Variants in LSAMP observed in about 807,000 individuals in gnomAD.
LSAMP encodes the protein limbic system-associated membrane protein.
LSAMP carries 7 observed loss-of-function variants against 38.6 expected under a neutral mutation model. The observed-to-expected ratio is 0.18, with a 90% confidence interval of 0.10 to 0.34. The LOEUF is 0.34. Ranked by LOEUF, LSAMP falls within the 10% of genes least tolerant of loss-of-function variation. The pLI is 1.00. For missense variants in LSAMP, 313 were observed against 420.0 expected (o/e 0.75, Z 2.23); for synonymous variants, 154 against 166.8 (o/e 0.92, Z 0.59).
chr3:116,162,841 G>C (rs1194697670), intron 1 of LSAMP, among the ~76,000 whole-genome samples: 2 of 150,918 alleles, frequency 1.3e-5, no homozygotes, highest in East Asian at 3.9e-4. Flanking sequence ...TCCCAGCCTT[G>C]ATAAATATCT....
Position 116,084,481 on chromosome 3 carries a change from A to C in LSAMP, c.388+1843T>G, listed in dbSNP as rs1052060335. Among the ~76,000 whole-genome samples, 51 of 151,490 alleles carry C rather than the reference A, an allele frequency of 3.4e-4. 1 individual carries two copies. Among genetic ancestry groups the C allele is most frequent in the South Asian group, 1.0e-3 (5 of 4,816 alleles). The stretch of plus-strand genomic sequence containing the variant: ...AAAAAAAAAAAAAAAACCAAAAAAA[A>C]CCAAAAAACTCCATTCCAGTGGAAA... On this transcript the variant is annotated intron_variant, in intron 2 of 6. Transcript: ENST00000490035.
In LSAMP at chr3:116,207,129, T is replaced by C. The variant is rs1033661926; in HGVS notation, c.156-120573A>G. 9.9e-5 allele frequency among the ~76,000 whole-genome samples: 15 copies of C among 152,272 alleles called. 1 individual carries two copies. Among genetic ancestry groups the C allele is most frequent in the African/African-American group, 3.4e-4 (14 of 41,536 alleles). On this transcript the variant is annotated intron_variant, in intron 1 of 6. Transcript: ENST00000490035. ...TATATTTAGAATAGTTAGCTCTTCT[T>C]GTTGAATTGATCCCTTTACCATTAT...
chr3:116,114,743 C>T (rs1055989238), intron 1 of LSAMP, among the ~76,000 whole-genome samples: 3 of 152,274 alleles, frequency 2.0e-5, no homozygotes, highest in Middle Eastern at 3.4e-3. Flanking sequence ...GAAAGTGAAT[C>T]CCTTGGGTAG....
chr3:115,831,352 C>A (rs1331699120), intron 6 of LSAMP, among the ~76,000 whole-genome samples: 3 of 152,116 alleles, frequency 2.0e-5, no homozygotes, highest in Admixed American at 1.3e-4. Flanking sequence ...TGATTGAGTC[C>A]AGAGAGCCCC....
intron 3 of LSAMP, among the ~76,000 whole-genome samples, chr3:115,990,631 T>C (rs1394743016): frequency 1.3e-5 from 2 of 152,084 alleles, no homozygotes; most frequent in African/African-American, 4.8e-5. Context: ...GCACCTGAAC[T>C]TCCCAAACTA....
chr3:116,225,881 A>G (rs929961955), intron 1 of LSAMP, among the ~76,000 whole-genome samples: 2 of 152,190 alleles, frequency 1.3e-5, no homozygotes, highest in East Asian at 1.9e-4. Context: ...TAAATAAACA[A>G]TCTTACAAAT....
intron 1 of LSAMP, among the ~76,000 whole-genome samples, chr3:116,401,008 C>T (rs1431559725): frequency 1.3e-5 from 2 of 152,154 alleles, no homozygotes; most frequent in East Asian, 1.9e-4. Flanking sequence ...CAGATCCCAA[C>T]AAGAGAAGAC....
intron 3 of LSAMP, among the ~76,000 whole-genome samples, chr3:116,009,963 C>G (rs777553018): frequency 6.6e-5 from 10 of 152,166 alleles, no homozygotes; most frequent in Non-Finnish European, 1.5e-4. Context: ...GCCACCCAGG[C>G]TGGAGTGCAG....
chr3:116,346,956 G>T (rs1293838058), intron 1 of LSAMP, among the ~76,000 whole-genome samples: 1 of 151,994 alleles, frequency 6.6e-6, no homozygotes, highest in African/African-American at 2.4e-5. Context: ...TCAGTTTCTG[G>T]ACTTAATAAA....
intron 1 of LSAMP, among the ~76,000 whole-genome samples, chr3:116,152,325 T>G (rs1709631464): frequency 6.6e-6 from 1 of 152,252 alleles, no homozygotes; most frequent in South Asian, 2.1e-4. Context: ...CACCTAAAAT[T>G]TATCTGCAAT....
chr3:116,028,659 C>T (rs1251785826), intron 2 of LSAMP, among the ~76,000 whole-genome samples: 1 of 152,050 alleles, frequency 6.6e-6, no homozygotes, highest in Non-Finnish European at 1.5e-5. Context: ...ACAAATGTAC[C>T]TATTATTTAT....
chr3:115,974,268 C>T (rs374251978), intron 3 of LSAMP, among the ~76,000 whole-genome samples: 2 of 152,098 alleles, frequency 1.3e-5, no homozygotes, highest in East Asian at 1.9e-4. Context: ...TGCTTGAACC[C>T]GGGAAGAGGG....
intron 3 of LSAMP, among the ~76,000 whole-genome samples, chr3:115,948,211 T>G (rs1237113252): frequency 2.6e-5 from 4 of 152,188 alleles, no homozygotes; most frequent in Non-Finnish European, 5.9e-5. Flanking sequence ...AGACAAAATT[T>G]TATTGAATGA....
At chr3:115,982,286 G>C (rs1939382318) in intron 3 of LSAMP, among the ~76,000 whole-genome samples, 1 of 152,138 alleles carries the variant, frequency 6.6e-6, no homozygotes, top group Non-Finnish European at 1.5e-5. Context: ...GGGATGGGTG[G>C]TGATTGCAAG....
intron 6 of LSAMP, among the ~76,000 whole-genome samples, chr3:115,823,526 G>T (rs191366705): frequency 6.6e-5 from 10 of 152,284 alleles, no homozygotes; most frequent in Admixed American, 6.5e-4. Context: ...GATTACACAG[G>T]AGCTTTATTT....
In LSAMP at chr3:116,042,660, T is replaced by A. The variant is rs998354436; in HGVS notation, c.389-23020A>T. Reference sequence around the variant, plus strand: ...GGCCAAGATGGTCTCAGTCTCCTGATCTCGTGATCCACCCGCCTTGGCCTC... The same window carrying A: ...GGCCAAGATGGTCTCAGTCTCCTGAACTCGTGATCCACCCGCCTTGGCCTC... On this transcript the variant is annotated intron_variant, in intron 2 of 6. Transcript: ENST00000490035. Among the ~76,000 whole-genome samples, 3 of 152,038 alleles carry A rather than the reference T, an allele frequency of 2.0e-5. No homozygotes were observed. In the East Asian group the frequency reaches 5.8e-4, roughly 29 times the overall value.
At chr3:116,085,073 G>C (rs1397231692) in intron 2 of LSAMP, among the ~76,000 whole-genome samples, 1 of 152,204 alleles carries the variant, frequency 6.6e-6, no homozygotes, top group East Asian at 1.9e-4. Flanking sequence ...AATTTAAATA[G>C]GTTGCCTAAG....
intron 3 of LSAMP, among the ~76,000 whole-genome samples, chr3:115,879,373 A>C (rs1936265398): frequency 6.6e-6 from 1 of 152,206 alleles, no homozygotes; most frequent in South Asian, 2.1e-4. Flanking sequence ...ACTTTATACT[A>C]GTAAAGAATT....
At position 116,025,477 on chromosome 3, in the gene LSAMP, G is replaced by A. The variant is rs530104098; in HGVS notation, c.389-5837C>T. ...TGTTGTATCTATTGATCGCTCTTTTGTTATTTCTTCCATTGCTTTTGTGCA... is the reference window on the plus strand; with the variant it reads ...TGTTGTATCTATTGATCGCTCTTTTATTATTTCTTCCATTGCTTTTGTGCA... On this transcript the variant is annotated intron_variant, in intron 2 of 6. Transcript: ENST00000490035. Among the ~76,000 whole-genome samples, 3 of 152,122 alleles carry A rather than the reference G, an allele frequency of 2.0e-5. No individual in the cohort carries two copies. In the South Asian group the frequency reaches 6.2e-4, roughly 32 times the overall value.
Sources: allele counts gnomAD v4.1 joint callset (sites outside exome capture counted in the v4.1 genomes callset), GRCh38; gene constraint gnomAD v4.1.1; transcripts MANE v1.5; gene names NCBI Gene and HGNC (gene_info 2026-07-23, HGNC 2026-07-21).